CHODL: variants seen among roughly 807,000 people sequenced by gnomAD.
CHODL encodes chondrolectin.
Under a neutral mutation model 34.5 loss-of-function variants are expected in CHODL, and 29 were observed. That is an observed-to-expected ratio of 0.84 (90% CI 0.63 to 1.15). The LOEUF (loss-of-function observed/expected upper bound fraction) is 1.15, where lower values mean the gene tolerates loss of function less well. Ranked by LOEUF, CHODL falls within the 50% of genes most tolerant of loss-of-function variation. The pLI, the probability that CHODL is intolerant of heterozygous loss-of-function variation, is 0.00. For missense variants in CHODL, 332 were observed against 332.5 expected (o/e 1.00, Z 0.01); for synonymous variants, 125 against 116.1 (o/e 1.08, Z -0.49).
chr21:18,183,965 T>TA (rs2073411723), intron 2 of CHODL, among the ~76,000 whole-genome samples: 1 of 152,194 alleles, frequency 6.6e-6, no homozygotes, highest in Non-Finnish European at 1.5e-5. Flanking sequence ...TTTTCTTTTT[T>TA]TAAAAAAACC....
At chr21:18,186,577 T>G (rs953882602) in intron 2 of CHODL, among the ~76,000 whole-genome samples, 6 of 152,202 alleles carry the variant, frequency 3.9e-5, no homozygotes, top group African/African-American at 1.4e-4. Flanking sequence ...CCACTGATTC[T>G]TTGTCTCTTT....
intron 1 of CHODL, among the ~76,000 whole-genome samples, chr21:17,981,149 AG>A (rs1305958166): frequency 6.6e-6 from 1 of 152,214 alleles, no homozygotes; most frequent in Non-Finnish European, 1.5e-5. Flanking sequence ...ACATATGAAT[AG>A]AAACAAAGTA....
chr21:18,264,675 G>T (rs1480587286), intron 5 of CHODL, among the ~76,000 whole-genome samples: 1 of 151,752 alleles, frequency 6.6e-6, no homozygotes, highest in Non-Finnish European at 1.5e-5. Flanking sequence ...TTCTGCAGGT[G>T]CCTGAAAAGT....
chr21:18,072,935 T>C (rs895511931), intron 2 of CHODL, among the ~76,000 whole-genome samples: 2 of 152,206 alleles, frequency 1.3e-5, no homozygotes, highest in Admixed American at 6.5e-5. Flanking sequence ...AATATCTCCA[T>C]GTATTTTGAT....
At chr21:18,035,791 ATCT>A (rs148095157) in intron 2 of CHODL, among the ~76,000 whole-genome samples, 65,850 of 151,446 alleles carry the variant, frequency 0.43, 14,924 homozygotes, top group Non-Finnish European at 0.51. Context: ...TTCAATTTGG[ATCT>A]TCTTCTTTCA....
chr21:18,217,402 G>A (rs1006662383), intron 2 of CHODL, among the ~76,000 whole-genome samples: 2 of 152,046 alleles, frequency 1.3e-5, no homozygotes, highest in African/African-American at 4.8e-5. Flanking sequence ...AAGGAGAAGT[G>A]CCAAGCAAAA....
intron 1 of CHODL, among the ~76,000 whole-genome samples, chr21:18,026,946 A>C (rs529204995): frequency 6.6e-6 from 1 of 152,282 alleles, no homozygotes; most frequent in Non-Finnish European, 1.5e-5. Flanking sequence ...TGTTTTTAGA[A>C]AGATAATTTA....
chr21:18,043,466 C>G (rs1171360575), intron 2 of CHODL, among the ~76,000 whole-genome samples: 1 of 151,902 alleles, frequency 6.6e-6, no homozygotes, highest in Non-Finnish European at 1.5e-5. Context: ...TCCATGAACA[C>G]AGAATTCCAG....
chr21:18,202,999 A>G (rs1480032118), intron 2 of CHODL, among the ~76,000 whole-genome samples: 1 of 152,226 alleles, frequency 6.6e-6, no homozygotes, highest in East Asian at 1.9e-4. Context: ...TGTCTGATAT[A>G]CATAAAAAAT....
chr21:17,961,022 G>T (rs1024114008), intron 1 of CHODL, among the ~76,000 whole-genome samples: 3 of 151,390 alleles, frequency 2.0e-5, no homozygotes, highest in African/African-American at 7.3e-5. Flanking sequence ...TTGCTTCTTC[G>T]TCTCTCTCCT....
intron 1 of CHODL, among the ~76,000 whole-genome samples, chr21:17,931,592 A>G (rs1287250304): frequency 1.3e-5 from 2 of 152,238 alleles, no homozygotes; most frequent in Non-Finnish European, 2.9e-5. Context: ...AATTAAAAAT[A>G]TGGATTATAA....
In CHODL at chr21:17,919,017, T is replaced by C. The variant is rs141592299; in HGVS notation, c.-145+1617T>C. Among the ~76,000 whole-genome samples, 1,218 of 152,320 alleles carry C rather than the reference T, an allele frequency of 8.0e-3. 18 individuals carry two copies. Among genetic ancestry groups the C allele is most frequent in the African/African-American group, 0.027 (1,122 of 41,578 alleles). On this transcript the variant is annotated intron_variant, in intron 1 of 6. Coordinates refer to the CHODL transcript ENST00000400127. ...GCCTCACACCCAGGTCATGCTGATGTGAGAGGTGGGCTCCCATCCCCTTGG... is the reference window on the plus strand; with the variant it reads ...GCCTCACACCCAGGTCATGCTGATGCGAGAGGTGGGCTCCCATCCCCTTGG...
intron 1 of CHODL, among the ~76,000 whole-genome samples, chr21:17,954,474 G>A (rs1022129060): frequency 5.0e-5 from 7 of 140,144 alleles, no homozygotes; most frequent in African/African-American, 1.7e-4. Flanking sequence ...AAAGAAGGTT[G>A]TCCTCTCCAA....
intron 2 of CHODL, among the ~76,000 whole-genome samples, chr21:18,162,735 ATCT>A (rs527822464): frequency 1.3e-5 from 2 of 152,100 alleles, no homozygotes; most frequent in Admixed American, 6.5e-5. Context: ...CTTCTGTGTC[ATCT>A]TCTTTGATTT....
intron 5 of CHODL, among the ~76,000 whole-genome samples, 164 bp downstream of exon 5, chr21:18,263,057 T>A (rs1454956048): frequency 6.6e-6 from 1 of 152,184 alleles, no homozygotes; most frequent in African/African-American, 2.4e-5. Context: ...TAATGTAATA[T>A]ATTATTTAAT....
intron 2 of CHODL, among the ~76,000 whole-genome samples, chr21:18,173,840 C>A (rs2073260411): frequency 6.6e-6 from 1 of 151,234 alleles, no homozygotes; most frequent in South Asian, 2.1e-4. Flanking sequence ...ATAAAGGTAT[C>A]CCTTTTAGAT....
At chr21:18,194,567 C>T (rs534336882) in intron 2 of CHODL, among the ~76,000 whole-genome samples, 38 of 151,606 alleles carry the variant, frequency 2.5e-4, no homozygotes, top group Non-Finnish European at 4.6e-4. Flanking sequence ...GAGCCCTTCC[C>T]TGAGCCTCAA....
chr21:17,947,976 A>C (rs2063425719), intron 1 of CHODL, among the ~76,000 whole-genome samples: 1 of 152,204 alleles, frequency 6.6e-6, no homozygotes, highest in African/African-American at 2.4e-5. Context: ...TAGCCATAAC[A>C]AACAATGAAA....
chr21:18,194,435 T>C (rs1473198168), intron 2 of CHODL, among the ~76,000 whole-genome samples: 1 of 152,178 alleles, frequency 6.6e-6, no homozygotes, highest in Non-Finnish European at 1.5e-5. Context: ...GCTTTCTCCT[T>C]TGCACTAGCT....
Sources: gnomAD v4.1 joint callset for allele counts (sites outside exome capture counted in the v4.1 genomes callset) on GRCh38, gnomAD v4.1.1 for gene constraint, MANE v1.5 for transcripts, NCBI Gene and HGNC (gene_info 2026-07-23, HGNC 2026-07-21) for gene names.